Variants in CREB5 observed in about 807,000 individuals in gnomAD.
CREB5 encodes cAMP responsive element binding protein 5.
Under a neutral mutation model 57.1 loss-of-function variants are expected in CREB5, and 19 were observed. That is an observed-to-expected ratio of 0.33 (90% CI 0.23 to 0.49). CREB5 has a LOEUF of 0.49. CREB5 is among the 20% of genes least tolerant of loss of function. The probability of loss-of-function intolerance (pLI) is 0.99; values close to 1 mark genes in which losing one functional copy is unlikely to be tolerated. For missense variants in CREB5, 579 were observed against 671.6 expected (o/e 0.86, Z 1.52); for synonymous variants, 238 against 238.3 (o/e 1.00, Z 0.01).
chr7:28,648,056 T>C (rs1049053234), intron 5 of CREB5, among the ~76,000 whole-genome samples: 9 of 152,204 alleles, frequency 5.9e-5, no homozygotes, highest in African/African-American at 1.4e-4. Flanking sequence ...TATAGCATCA[T>C]AGCGCAGAGT....
intron 5 of CREB5, among the ~76,000 whole-genome samples, chr7:28,584,772 A>G (rs1258929249): frequency 7.0e-6 from 1 of 143,868 alleles, no homozygotes; most frequent in Non-Finnish European, 1.6e-5. Flanking sequence ...TGCCAACGGA[A>G]TCGTGGTTAA....
chr7:28,786,706 T>C (rs768731681), intron 7 of CREB5, among the ~76,000 whole-genome samples: 1 of 152,072 alleles, frequency 6.6e-6, no homozygotes, highest in Non-Finnish European at 1.5e-5. Flanking sequence ...TTTATGTGAG[T>C]GTTATTGGAA....
At chr7:28,693,210 A>G (rs927211218) in intron 5 of CREB5, among the ~76,000 whole-genome samples, 2 of 152,220 alleles carry the variant, frequency 1.3e-5, no homozygotes, top group Admixed American at 6.5e-5. Flanking sequence ...CAAAGCCTAG[A>G]AAAAGCAATC....
At chr7:28,765,890 G>A (rs547687275) in intron 7 of CREB5, among the ~76,000 whole-genome samples, 10 of 152,158 alleles carry the variant, frequency 6.6e-5, no homozygotes, top group Non-Finnish European at 1.2e-4. Flanking sequence ...GCTATTGCCC[G>A]TGTGCAGGAC....
chr7:28,753,998 AC>A (rs1397032889), intron 7 of CREB5, among the ~76,000 whole-genome samples: 18 of 151,298 alleles, frequency 1.2e-4, no homozygotes, highest in African/African-American at 4.4e-4. Context: ...AAAAAAAAAA[AC>A]CTCCCTCAAC....
At chr7:28,325,856 T>C (rs1073298) in intron 1 of CREB5, among the ~76,000 whole-genome samples, 24,331 of 152,244 alleles carry the variant, frequency 0.16, 2,026 homozygotes, top group East Asian at 0.26. Flanking sequence ...ACTAGCATTA[T>C]GCATTTTGAT....
At chr7:28,658,981 G>GTATATATATATATATATA (rs1799478582) in intron 5 of CREB5, among the ~76,000 whole-genome samples, 2 of 90,082 alleles carry the variant, frequency 2.2e-5, no homozygotes, top group South Asian at 3.3e-4. Context: ...ATATATATAT[G>GTATATATATATATATATA]TATATATAAG....
intron 5 of CREB5, among the ~76,000 whole-genome samples, chr7:28,695,243 C>T (rs1316563229): frequency 6.6e-6 from 1 of 152,050 alleles, no homozygotes; most frequent in Non-Finnish European, 1.5e-5. Flanking sequence ...GAAACTGAAG[C>T]CATCCAAAAA....
At chr7:28,684,622 A>G (rs1041583553) in intron 5 of CREB5, among the ~76,000 whole-genome samples, 4 of 152,356 alleles carry the variant, frequency 2.6e-5, no homozygotes, top group Admixed American at 2.0e-4. Context: ...TTAGAAGTCA[A>G]GATCCTCTGT....
chr7:28,443,940 T>C (rs1017954946), intron 1 of CREB5, among the ~76,000 whole-genome samples: 3 of 152,172 alleles, frequency 2.0e-5, no homozygotes, highest in Admixed American at 6.5e-5. Context: ...CAAGTCAGAA[T>C]GGTGTTTTGA....
chr7:28,414,687 C>T (rs573125727), intron 1 of CREB5, among the ~76,000 whole-genome samples: 9 of 152,096 alleles, frequency 5.9e-5, no homozygotes, highest in African/African-American at 1.9e-4. Context: ...AGAATTATTA[C>T]ATTTCGTAAT....
intron 5 of CREB5, among the ~76,000 whole-genome samples, chr7:28,706,902 T>C (rs1802137611): frequency 6.6e-6 from 1 of 152,154 alleles, no homozygotes; most frequent in Non-Finnish European, 1.5e-5. Context: ...CATAGGGGTA[T>C]AGCTGCCAGG....
intron 5 of CREB5, among the ~76,000 whole-genome samples, chr7:28,629,693 A>G (rs562073714): frequency 1.3e-5 from 2 of 152,298 alleles, no homozygotes; most frequent in South Asian, 2.1e-4. Context: ...AGCTCTGACC[A>G]TCCATGATTC....
intron 7 of CREB5, among the ~76,000 whole-genome samples, 191 bp from the exon 8 acceptor site, chr7:28,804,008 G>A (rs753753695): frequency 5.9e-5 from 9 of 152,062 alleles, no homozygotes; most frequent in South Asian, 2.1e-4. Flanking sequence ...TACTGACCAC[G>A]ATATATAAGA....
At chr7:28,501,569 G>A (rs1156817898) in intron 3 of CREB5, among the ~76,000 whole-genome samples, 1 of 152,174 alleles carries the variant, frequency 6.6e-6, no homozygotes, top group Admixed American at 6.5e-5. Context: ...TTGACTAAGA[G>A]TATAGGAGAA....
intron 1 of CREB5, among the ~76,000 whole-genome samples, chr7:28,349,676 C>A (rs950705717): frequency 8.5e-5 from 13 of 152,088 alleles, no homozygotes; most frequent in African/African-American, 3.1e-4. Context: ...TAGTTGCCTG[C>A]TTGACCAGGG....
intron 5 of CREB5, among the ~76,000 whole-genome samples, chr7:28,685,665 CT>C (rs548208912): frequency 0.058 from 7,532 of 130,862 alleles, 287 homozygotes; most frequent in African/African-American, 0.12. Flanking sequence ...ACAGGGCACT[CT>C]TTTTTTTTTT....
At chr7:28,597,171 C>G (rs1796717593) in intron 5 of CREB5, among the ~76,000 whole-genome samples, 1 of 152,168 alleles carries the variant, frequency 6.6e-6, no homozygotes, top group Non-Finnish European at 1.5e-5. Flanking sequence ...CTACAAAATG[C>G]AGGTTGACAG....
chr7:28,476,213 G>A (rs759306183), intron 1 of CREB5, among the ~76,000 whole-genome samples: 2 of 152,114 alleles, frequency 1.3e-5, no homozygotes, highest in African/African-American at 2.4e-5. Flanking sequence ...TAAAAAGTTG[G>A]CAGATCAGGA....
Sources: gnomAD v4.1 joint callset for allele counts (sites outside exome capture counted in the v4.1 genomes callset) on GRCh38, gnomAD v4.1.1 for gene constraint, MANE v1.5 for transcripts, NCBI Gene and HGNC (gene_info 2026-07-23, HGNC 2026-07-21) for gene names.